CSMD1: variants seen among roughly 807,000 people sequenced by gnomAD.
CSMD1 encodes CUB and Sushi multiple domains 1.
Under a neutral mutation model 417.5 loss-of-function variants are expected in CSMD1, and 213 were observed. The observed-to-expected ratio is 0.51, with a 90% CI of 0.46 to 0.57. The LOEUF (loss-of-function observed/expected upper bound fraction) is 0.57, where lower values mean the gene tolerates loss of function less well. CSMD1 is among the 20% of genes least tolerant of loss of function. The probability of loss-of-function intolerance (pLI) is 0.00; values close to 1 mark genes in which losing one functional copy is unlikely to be tolerated. For missense variants in CSMD1, 6,923 were observed against 4,529.7 expected (o/e 1.53, Z -15.17); for synonymous variants, 2,862 against 1,736.8 (o/e 1.65, Z -16.11).
intron 3 of CSMD1, among the ~76,000 whole-genome samples, chr8:4,142,314 T>C (rs1803839501): frequency 6.6e-6 from 1 of 151,162 alleles, no homozygotes; most frequent in Non-Finnish European, 1.5e-5. Flanking sequence ...TTTGCTATCT[T>C]TATCCACCTC....
At chr8:3,734,356 G>C (rs1011262552) in intron 6 of CSMD1, among the ~76,000 whole-genome samples, 1 of 152,166 alleles carries the variant, frequency 6.6e-6, no homozygotes, top group Non-Finnish European at 1.5e-5. Flanking sequence ...CTGTTCGACA[G>C]CATCGTAGAA....
At chr8:3,519,057 T>C (rs1453366147) in intron 10 of CSMD1, among the ~76,000 whole-genome samples, 1 of 152,206 alleles carries the variant, frequency 6.6e-6, no homozygotes, top group Admixed American at 6.5e-5. Flanking sequence ...AAAAATCCTC[T>C]TAAAACCAGA....
chr8:3,590,186 T>G (rs1431124177), intron 8 of CSMD1, among the ~76,000 whole-genome samples: 1 of 152,180 alleles, frequency 6.6e-6, no homozygotes, highest in East Asian at 1.9e-4. Context: ...CTATCTATAT[T>G]TATATCTAAA....
intron 2 of CSMD1, among the ~76,000 whole-genome samples, chr8:4,617,392 A>G (rs1287382167): frequency 2.6e-5 from 4 of 152,198 alleles, no homozygotes; most frequent in African/African-American, 9.6e-5. Flanking sequence ...CTGGACTCCA[A>G]TAACCCTGTC....
chr8:3,758,953 G>T (rs968156608), intron 5 of CSMD1, among the ~76,000 whole-genome samples: 19 of 152,188 alleles, frequency 1.2e-4, no homozygotes, highest in African/African-American at 4.3e-4. Flanking sequence ...TCAGAGTGAC[G>T]CATTGAGGGC....
At chr8:2,978,195 G>A (rs1005496979) in intron 55 of CSMD1, among the ~76,000 whole-genome samples, 1 of 152,190 alleles carries the variant, frequency 6.6e-6, no homozygotes, top group Non-Finnish European at 1.5e-5. Flanking sequence ...CAGGTCAACA[G>A]ACAGAAACTC....
At chr8:4,026,259 C>G (rs923088955) in intron 4 of CSMD1, among the ~76,000 whole-genome samples, 3 of 152,086 alleles carry the variant, frequency 2.0e-5, no homozygotes, top group Admixed American at 6.5e-5. Flanking sequence ...TATAAAATAA[C>G]ATGTAATGGA....
Position 3,794,123 on chromosome 8 carries a change from A to G in CSMD1, c.819-40081T>C, listed in dbSNP as rs76633242. On this transcript the variant is annotated intron_variant, in intron 5 of 69. Coordinates refer to ENST00000635120, the MANE Select transcript of CSMD1 (RefSeq NM_033225.6). ...AGGGTCGCAGGCACACACCCTGCCT[A>G]ATGAACCGGTGTTTGTGTTTTCCCA... Among the ~76,000 whole-genome samples, 158 of 152,206 alleles carry G rather than the reference A, an allele frequency of 1.0e-3. 1 individual carries two copies. Among genetic ancestry groups the G allele is most frequent in the African/African-American group, 3.7e-3 (154 of 41,538 alleles).
chr8:4,335,072 T>C (rs534250317), intron 3 of CSMD1, among the ~76,000 whole-genome samples: 1 of 152,226 alleles, frequency 6.6e-6, no homozygotes, highest in African/African-American at 2.4e-5. Flanking sequence ...TGACTAATTT[T>C]TGTACTTTGT....
intron 5 of CSMD1, among the ~76,000 whole-genome samples, chr8:3,936,321 T>C (rs182978616): frequency 1.3e-5 from 2 of 152,150 alleles, no homozygotes; most frequent in Non-Finnish European, 2.9e-5. Flanking sequence ...AGGCAGATAT[T>C]GAGTGTAAAC....
rs1585057139 is a variant in CSMD1, at chr8:2,962,335, A to C, written c.9628+131T>G. On this transcript the variant is annotated intron_variant, in intron 61 of 69. Coordinates refer to ENST00000635120, the MANE Select transcript of CSMD1 (RefSeq NM_033225.6). ...GTGCGCAATCCTACTCAGTGCAAAA[A>C]TTATTACCTTGTACAGAAAACTGTC... The C allele has an allele frequency of 3.8e-6, 3 of 788,544 alleles. No individual in the cohort carries two copies. In the East Asian group the frequency reaches 8.1e-5, roughly 21 times the overall value. The allele number at this position is 788,544 out of a possible 1,614,324, so 48.8% of individuals were successfully genotyped here.
chr8:4,641,597 G>T (rs1321676998), intron 1 of CSMD1, among the ~76,000 whole-genome samples: 1 of 152,142 alleles, frequency 6.6e-6, no homozygotes, highest in East Asian at 1.9e-4. Flanking sequence ...AGTCTTCTGG[G>T]AATGAATCAA....
At chr8:3,307,617 G>T in intron 25 of CSMD1, 78 bp downstream of exon 25, 4 of 1,419,956 alleles carry the variant, frequency 2.8e-6, no homozygotes, top group South Asian at 2.6e-5. Context: ...TGGATATTTG[G>T]TGTACCACTA....
intron 3 of CSMD1, among the ~76,000 whole-genome samples, chr8:4,293,437 A>G (rs890364517): frequency 6.6e-6 from 1 of 152,230 alleles, no homozygotes; most frequent in African/African-American, 2.4e-5. Flanking sequence ...GTGTTTTAAA[A>G]AAATTAATTA....
intron 2 of CSMD1, among the ~76,000 whole-genome samples, chr8:4,498,453 A>AT (rs1802087518): frequency 6.6e-6 from 1 of 152,162 alleles, no homozygotes; most frequent in South Asian, 2.1e-4. Context: ...TTAATTTTTA[A>AT]TTTTTTAAAA....
At chr8:4,136,729 C>T (rs117998050) in intron 3 of CSMD1, among the ~76,000 whole-genome samples, 176 of 152,248 alleles carry the variant, frequency 1.2e-3, no homozygotes, top group Non-Finnish European at 2.1e-3. Flanking sequence ...ATCAAGCCAA[C>T]GGCTCTTGAA....
At chr8:4,503,786 G>A (rs1802382105) in intron 2 of CSMD1, among the ~76,000 whole-genome samples, 1 of 152,084 alleles carries the variant, frequency 6.6e-6, no homozygotes, top group East Asian at 1.9e-4. Context: ...ATCAGGCACT[G>A]TGACAATGTG....
intron 27 of CSMD1, among the ~76,000 whole-genome samples, chr8:3,227,578 A>G (rs1169386189): frequency 6.6e-6 from 1 of 152,162 alleles, no homozygotes; most frequent in Non-Finnish European, 1.5e-5. Context: ...AGAAAGATCA[A>G]TATTGGTAGA....
intron 5 of CSMD1, among the ~76,000 whole-genome samples, chr8:3,878,888 A>T (rs1806012835): frequency 6.6e-6 from 1 of 152,238 alleles, no homozygotes; most frequent in African/African-American, 2.4e-5. Context: ...ATTATTCACC[A>T]ATATCACAAG....
Sources: gnomAD v4.1 joint callset for allele counts (sites outside exome capture counted in the v4.1 genomes callset) on GRCh38, gnomAD v4.1.1 for gene constraint, MANE v1.5 for transcripts, NCBI Gene and HGNC (gene_info 2026-07-23, HGNC 2026-07-21) for gene names.